Variants in RAPGEF1 observed in about 807,000 individuals in gnomAD.
RAPGEF1 encodes the protein Rap guanine nucleotide exchange factor 1.
Under a neutral mutation model 143.3 loss-of-function variants are expected in RAPGEF1, and 33 were observed. The ratio of observed to expected loss-of-function variants is 0.23; its 90% confidence interval spans 0.17 to 0.31. RAPGEF1 has a LOEUF of 0.31. RAPGEF1 is among the 10% of genes least tolerant of loss of function. RAPGEF1 has a pLI of 1.00. For synonymous variants in RAPGEF1, 629 were observed against 676.5 expected, an observed-to-expected ratio of 0.93 and a Z score of 1.09; for missense variants, 1,199 against 1,645.4, an observed-to-expected ratio of 0.73 and a Z score of 4.69.
chr9:131,692,248 G>C (rs754525997), intron 1 of RAPGEF1, among the ~76,000 whole-genome samples: 3 of 152,070 alleles, frequency 2.0e-5, no homozygotes, highest in African/African-American at 7.2e-5. Flanking sequence ...AATTCACCTC[G>C]CTTTATCTTT....
At chr9:131,706,288 G>A (rs1835053970) in intron 1 of RAPGEF1, among the ~76,000 whole-genome samples, 1 of 151,628 alleles carries the variant, frequency 6.6e-6, no homozygotes, top group Admixed American at 6.6e-5. Flanking sequence ...TTGAAACAGG[G>A]GTTTTGCTCT....
At chr9:131,726,381 C>T (rs562965554) in intron 1 of RAPGEF1, among the ~76,000 whole-genome samples, 3 of 152,214 alleles carry the variant, frequency 2.0e-5, no homozygotes, top group East Asian at 1.9e-4. Flanking sequence ...AATCTCACCA[C>T]TTTGGGAGGC....
intron 17 of RAPGEF1, 75 bp from the exon 18 acceptor site, chr9:131,592,258 G>A (rs1356647382): frequency 1.6e-6 from 2 of 1,224,686 alleles, no homozygotes; most frequent in South Asian, 2.5e-5. Context: ...GTGGATTTGA[G>A]TCCTTGCTCT....
At position 131,717,540 on chromosome 9, in the gene RAPGEF1, C is replaced by A. The variant is rs573656252; in HGVS notation, c.61+22230G>T. 3.3e-5 allele frequency among the ~76,000 whole-genome samples: 5 copies of A among 152,240 alleles called. No individual in the cohort carries two copies. In the South Asian group the frequency reaches 1.0e-3, roughly 32 times the overall value. ...CCTGTAATCCTAGCACTCTGGGAGG[C>A]CAAGGCAGGCAGATTGCCTGAGCTC... On this transcript the variant is annotated intron_variant, in intron 1 of 26. Transcript: ENST00000683357.
At chr9:131,668,131 A>C (rs1352301423) in intron 1 of RAPGEF1, among the ~76,000 whole-genome samples, 2 of 152,206 alleles carry the variant, frequency 1.3e-5, no homozygotes, top group Non-Finnish European at 2.9e-5. Context: ...GCGTGAACAA[A>C]GCATGGAGAT....
rs554467793 is a variant in RAPGEF1 at position 131,628,283 on chromosome 9, G to T, written c.1018-187C>A. 3.3e-5 allele frequency among the ~76,000 whole-genome samples: 5 copies of T among 152,356 alleles called. No individual in the cohort carries two copies. The highest frequency in any genetic ancestry group is 1.2e-4 in the African/African-American group (5 of 41,594). Reference sequence around the variant, plus strand: ...AGCAGCCATCTGGAGTTTGTGGGGGGTGTGGCCAGGGAGGGCCCTGGGGCT... The same window carrying T: ...AGCAGCCATCTGGAGTTTGTGGGGGTTGTGGCCAGGGAGGGCCCTGGGGCT... On this transcript the variant is annotated intron_variant, in intron 8 of 26. Coordinates refer to ENST00000683357, the MANE Select transcript of RAPGEF1 (RefSeq NM_001377935.1). The surrounding 1 kb of genome is among the most constrained non-coding windows in gnomAD (Gnocchi z 5.7).
At chr9:131,701,260 C>T (rs1045602646) in intron 1 of RAPGEF1, among the ~76,000 whole-genome samples, 2 of 152,126 alleles carry the variant, frequency 1.3e-5, no homozygotes, top group Non-Finnish European at 2.9e-5. Context: ...CCAATGGCTA[C>T]GGATAGATAT....
Position 131,584,185 on chromosome 9 carries a change from G to T in RAPGEF1, c.3414+126C>A. ...TGTTCTGGTCACACAGCATGTCGGT[G>T]GCAGAGCAGGGGCCTAGGCCCAGCA... On this transcript the variant is annotated intron_variant, in intron 24 of 26. Coordinates refer to ENST00000683357, the MANE Select transcript of RAPGEF1 (RefSeq NM_001377935.1). This position sits in a 1 kb window ranked among gnomAD's most constrained non-coding sequence, Gnocchi z 6.8. 1.2e-6 allele frequency: 1 copy of T among 834,330 alleles called. No homozygotes were observed. The highest frequency in any genetic ancestry group is 1.9e-6 in the Non-Finnish European group (1 of 528,920). The allele number at this position is 834,330 out of a possible 1,614,324, so 51.7% of individuals were successfully genotyped here. A position where few individuals can be genotyped will look rare whatever the true frequency, so the allele number is the denominator to read the frequency against.
intron 4 of RAPGEF1, among the ~76,000 whole-genome samples, chr9:131,639,818 AG>A (rs1357042567): frequency 6.6e-6 from 1 of 152,244 alleles, no homozygotes; most frequent in African/African-American, 2.4e-5. Context: ...TGATTAAAAC[AG>A]GTTCTAAAAA....
intron 1 of RAPGEF1, among the ~76,000 whole-genome samples, chr9:131,715,495 C>T (rs1016201221): frequency 6.6e-6 from 1 of 151,970 alleles, no homozygotes; most frequent in African/African-American, 2.4e-5. Context: ...CCTAAGGTGC[C>T]GGCAAACCAC....
intron 12 of RAPGEF1, among the ~76,000 whole-genome samples, chr9:131,609,798 A>C (rs1159804338): frequency 2.0e-5 from 3 of 152,120 alleles, no homozygotes; most frequent in African/African-American, 7.3e-5. Context: ...AAAAGGCACT[A>C]GTTTTCGGTG....
intron 25 of RAPGEF1, among the ~76,000 whole-genome samples, chr9:131,582,073 G>A (rs781326834): frequency 5.9e-5 from 9 of 152,174 alleles, no homozygotes; most frequent in South Asian, 4.1e-4. Flanking sequence ...TGGTTATTCC[G>A]CTACGTCCCT....
intron 5 of RAPGEF1, among the ~76,000 whole-genome samples, chr9:131,637,700 G>T (rs1017877445): frequency 6.6e-6 from 1 of 152,134 alleles, no homozygotes; most frequent in Non-Finnish European, 1.5e-5. Flanking sequence ...AGCAGCTAAG[G>T]CCTGACTGCT....
chr9:131,672,605 C>G (rs1246326945), intron 1 of RAPGEF1, among the ~76,000 whole-genome samples: 1 of 152,196 alleles, frequency 6.6e-6, no homozygotes, highest in Admixed American at 6.5e-5. Context: ...AGATTTTCCA[C>G]ATCTTGGGCC....
chr9:131,601,533 T>A (rs1956279588), intron 15 of RAPGEF1, among the ~76,000 whole-genome samples: 1 of 152,218 alleles, frequency 6.6e-6, no homozygotes, highest in Admixed American at 6.5e-5. Context: ...GGGTTATTAG[T>A]GATTTTTCTT....
Position 131,665,553 on chromosome 9 carries a change from G to A in RAPGEF1, c.62-14604C>T, listed in dbSNP as rs376748584. 1.1e-4 allele frequency among the ~76,000 whole-genome samples: 16 copies of A among 152,034 alleles called. No individual in the cohort carries two copies. The South Asian group carries it at 3.1e-3, about 30-fold the overall frequency. ...GTAGTCCTTATAAGAGCTAAGTCTC[G>A]CTATGTCACCCTTCTGTTTGAAAAC... On this transcript the variant is annotated intron_variant, in intron 1 of 26. Coordinates refer to ENST00000683357, the MANE Select transcript of RAPGEF1 (RefSeq NM_001377935.1).
intron 12 of RAPGEF1, among the ~76,000 whole-genome samples, chr9:131,615,701 T>C (rs1211782553): frequency 6.6e-6 from 1 of 152,214 alleles, no homozygotes; most frequent in Non-Finnish European, 1.5e-5. Context: ...GAATGGATGC[T>C]GGGCTTCCTG....
intron 1 of RAPGEF1, among the ~76,000 whole-genome samples, chr9:131,731,275 C>T (rs925178157): frequency 6.6e-6 from 1 of 152,160 alleles, no homozygotes; most frequent in Non-Finnish European, 1.5e-5. Context: ...GCCTAATGAA[C>T]ATCAGCTACT....
chr9:131,645,761 G>T (rs1969412168), intron 3 of RAPGEF1, among the ~76,000 whole-genome samples: 1 of 152,196 alleles, frequency 6.6e-6, no homozygotes, highest in Non-Finnish European at 1.5e-5. Flanking sequence ...GTTCACCTGC[G>T]CACCCCTCCT....
Sources: gnomAD v4.1 joint callset for allele counts (sites outside exome capture counted in the v4.1 genomes callset) on GRCh38, gnomAD v4.1.1 for gene constraint, Gnocchi (gnomAD v3.1) non-coding constraint, MANE v1.5 for transcripts, NCBI Gene and HGNC (gene_info 2026-07-23, HGNC 2026-07-21) for gene names.